Variants in SLC39A14 observed in about 807,000 individuals in gnomAD.
SLC39A14 encodes the protein metal cation symporter ZIP14.
Under a neutral mutation model 45.5 loss-of-function variants are expected in SLC39A14, and 19 were observed. The observed-to-expected ratio is 0.42, with a 90% CI of 0.29 to 0.61. The LOEUF (loss-of-function observed/expected upper bound fraction) is 0.61, where lower values mean the gene tolerates loss of function less well. Among genes scored for constraint, SLC39A14 ranks in the 20% least tolerant of loss-of-function variants. The pLI is 0.22. For synonymous variants in SLC39A14, 264 were observed against 251.3 expected (o/e 1.05, Z -0.48); for missense variants, 447 against 616.5 (o/e 0.73, Z 2.91).
At chr8:22,396,875 G>A (rs561037537) in intron 1 of SLC39A14, among the ~76,000 whole-genome samples, 1 of 152,130 alleles carries the variant, frequency 6.6e-6, no homozygotes, top group Admixed American at 6.5e-5. Flanking sequence ...TGAGCCATGC[G>A]TGGTGCCTCC....
intron 1 of SLC39A14, chr8:22,389,859 T>C (rs1307855565): frequency 6.5e-6 from 1 of 154,182 alleles, no homozygotes; most frequent in East Asian, 1.9e-4. Flanking sequence ...TTGGTTTTTA[T>C]ACCTGTTATG....
At position 22,420,067 on chromosome 8, in the gene SLC39A14, T is replaced by C. The variant is rs185773087; in HGVS notation, c.*369T>C. On this transcript the variant is annotated 3_prime_UTR_variant, in exon 9 of 9. Coordinates refer to ENST00000381237, the MANE Select transcript of SLC39A14 (RefSeq NM_001128431.4). ...CCCAACAATGCAAAAATAGAGCCAA[T>C]GGTTATAACTTGGCTAGAAATATCA... 3.1e-5 allele frequency: 31 copies of C among 1,002,052 alleles called. No individual in the cohort carries two copies. In the East Asian group the frequency reaches 2.1e-3, roughly 69 times the overall value. The allele number at this position is 1,002,052 out of a possible 1,614,324, so 62.1% of individuals were successfully genotyped here. A position where few individuals can be genotyped will look rare whatever the true frequency, so the allele number is the denominator to read the frequency against.
downstream of SLC39A14, among the ~76,000 whole-genome samples, chr8:22,424,402 T>C (rs917768943): frequency 5.9e-5 from 9 of 152,180 alleles, no homozygotes; most frequent in African/African-American, 1.9e-4. Flanking sequence ...CTACCTCCAT[T>C]AGAGATTTTC....
At chr8:22,380,954 G>C (rs1381858965) in intron 1 of SLC39A14, among the ~76,000 whole-genome samples, 22 of 151,182 alleles carry the variant, frequency 1.5e-4, no homozygotes, top group Non-Finnish European at 1.5e-5. Flanking sequence ...GGAATTACGG[G>C]AGTGAGCCAC....
At chr8:22,408,979 C>G (rs914210561) in intron 3 of SLC39A14, among the ~76,000 whole-genome samples, 1 of 152,052 alleles carries the variant, frequency 6.6e-6, no homozygotes, top group Admixed American at 6.6e-5. Flanking sequence ...CACCGCCATG[C>G]CCAGCTAATT....
intron 1 of SLC39A14, among the ~76,000 whole-genome samples, chr8:22,378,965 T>C (rs1833354915): frequency 2.0e-5 from 3 of 152,314 alleles, no homozygotes; most frequent in African/African-American, 7.2e-5. Context: ...TGTATTCTTA[T>C]AGGTCTGGAG....
intron 2 of SLC39A14, among the ~76,000 whole-genome samples, chr8:22,408,011 T>C (rs1835329395): frequency 6.6e-6 from 1 of 152,244 alleles, no homozygotes; most frequent in South Asian, 2.1e-4. Flanking sequence ...CCTGCCACTT[T>C]GGTGACAATG....
chr8:22,430,602 C>T (rs1004653191), intron 8 of SLC39A14, among the ~76,000 whole-genome samples: 1 of 152,132 alleles, frequency 6.6e-6, no homozygotes, highest in Non-Finnish European at 1.5e-5. Flanking sequence ...CCACCATTTT[C>T]TCCTGTTCTG....
chr8:22,384,677 G>A (rs1162641282), intron 1 of SLC39A14, among the ~76,000 whole-genome samples: 1 of 151,602 alleles, frequency 6.6e-6, no homozygotes, highest in East Asian at 1.9e-4. Flanking sequence ...AACCTGGGAG[G>A]CGGAGGTTGC....
At position 22,416,181 on chromosome 8, in the gene SLC39A14, A is replaced by G; in HGVS notation, c.1048A>G (p.Ile350Val). ...TCTGAGCGACGGCCTCCATAATTTC[A>G]TCGATGGCCTGGCCATCGGTGCTTC... ...ITLSDGLHNF[I>V]DGLAIGASFT... The change falls in exon 7 of 9, where the codon ATC becomes GTC. Residue 350 changes from isoleucine to valine, a missense_variant. Physicochemically the swap from Ile to Val is conservative, Grantham distance 29. Coordinates refer to ENST00000381237, the MANE Select transcript of SLC39A14 (RefSeq NM_001128431.4). 6.2e-7 allele frequency: 1 copy of G among 1,613,642 alleles called. No homozygotes were observed. The highest frequency in any genetic ancestry group is 1.1e-5 in the South Asian group (1 of 91,058).
intron 1 of SLC39A14, among the ~76,000 whole-genome samples, chr8:22,397,439 G>A (rs12681469): frequency 0.25 from 38,190 of 151,954 alleles, 5,504 homozygotes; most frequent in East Asian, 0.49. Flanking sequence ...TTAGCTGGGC[G>A]TGGTGGTGGG....
At chr8:22,368,659 C>T (rs939701338) in intron 1 of SLC39A14, among the ~76,000 whole-genome samples, 1 of 152,148 alleles carries the variant, frequency 6.6e-6, no homozygotes, top group African/African-American at 2.4e-5. Context: ...GCCTCAGCCT[C>T]CCGAGTAGCT....
chr8:22,417,602 T>C, intron 7 of SLC39A14, 49 bp from the exon 8 acceptor site: 1 of 1,520,212 alleles, frequency 6.6e-7, no homozygotes, highest in Non-Finnish European at 9.1e-7. Context: ...ACCATGCCCA[T>C]CTTACTCTTC....
chr8:22,406,658 T>A (rs1003851645), intron 2 of SLC39A14, among the ~76,000 whole-genome samples: 4 of 152,016 alleles, frequency 2.6e-5, no homozygotes, highest in Non-Finnish European at 5.9e-5. Flanking sequence ...TGCCACTGCA[T>A]TCCAGCCTGG....
At chr8:22,372,282 G>T (rs1832979636) in intron 1 of SLC39A14, among the ~76,000 whole-genome samples, 1 of 151,972 alleles carries the variant, frequency 6.6e-6, no homozygotes. Flanking sequence ...GTAAAAAACA[G>T]CAAAACCTTG....
chr8:22,410,214 C>T (rs911554043), intron 3 of SLC39A14: 8 of 1,238,040 alleles, frequency 6.5e-6, no homozygotes, highest in Non-Finnish European at 9.3e-6. Flanking sequence ...CACCCAATGA[C>T]TGCCACCTGA....
At chr8:22,417,870 G>A in intron 8 of SLC39A14, 35 bp downstream of exon 8, 2 of 1,573,328 alleles carry the variant, frequency 1.3e-6, no homozygotes, top group Non-Finnish European at 1.7e-6. Context: ...TGAGAGGGCG[G>A]CTAAGGGGAT....
At chr8:22,380,332 G>C (rs1198377079) in intron 1 of SLC39A14, among the ~76,000 whole-genome samples, 1 of 152,192 alleles carries the variant, frequency 6.6e-6, no homozygotes, top group East Asian at 1.9e-4. Context: ...ACTGAGGTCA[G>C]AGAGCTTAAG....
chr8:22,377,910 C>G (rs147024253), intron 1 of SLC39A14, among the ~76,000 whole-genome samples: 3 of 152,168 alleles, frequency 2.0e-5, no homozygotes, highest in Non-Finnish European at 2.9e-5. Flanking sequence ...GATCTGTGCC[C>G]GCTCGGCTAT....
Sources: allele counts gnomAD v4.1 joint callset (sites outside exome capture counted in the v4.1 genomes callset), GRCh38; gene constraint gnomAD v4.1.1; transcripts MANE v1.5; gene names NCBI Gene and HGNC (gene_info 2026-07-23, HGNC 2026-07-21).